The following TMIE variants were observed in gnomAD, a reference collection of about 807,000 sequenced individuals.
TMIE encodes the protein transmembrane inner ear expressed protein.
A neutral mutation model predicts 16.8 loss-of-function variants in TMIE; 14 were observed. That is an observed-to-expected ratio of 0.83 (90% CI 0.55 to 1.30). TMIE has a LOEUF of 1.30. Ranked by LOEUF, TMIE falls within the 50% of genes most tolerant of loss-of-function variation. TMIE has a pLI of 0.00. For synonymous variants in TMIE, 75 were observed against 87.2 expected (o/e 0.86, Z 0.78); for missense variants, 204 against 205.9 (o/e 0.99, Z 0.06).
chr3:46,706,890 C>T (rs1700558795), intron 2 of TMIE, among the ~76,000 whole-genome samples: 1 of 152,186 alleles, frequency 6.6e-6, no homozygotes, highest in African/African-American at 2.4e-5. Flanking sequence ...GGAGCTGTCC[C>T]GGGATGAGGT....
chr3:46,700,766 G>T (rs568474279), upstream of TMIE, among the ~76,000 whole-genome samples: 15 of 152,250 alleles, frequency 9.9e-5, no homozygotes, highest in Non-Finnish European at 1.8e-4. Context: ...CAGTGTTCAG[G>T]CTGGGGCAGA....
At position 46,709,181 on chromosome 3, in the gene TMIE, C is replaced by A. The variant is rs766855644; in HGVS notation, c.267C>A (p.Ile89=). The A allele has an allele frequency of 6.2e-7, 1 of 1,614,126 alleles. No individual in the cohort carries two copies. The highest frequency in any genetic ancestry group is 1.1e-5 in the South Asian group (1 of 91,082). The change falls in exon 3 of 4, where the codon ATC becomes ATA. Residue 89 remains isoleucine, a synonymous_variant. Coordinates refer to ENST00000643606, the MANE Select transcript of TMIE (RefSeq NM_147196.3). ...GTGTGCCACGGACCCGGAAGGAGATCGAAGCCCGGTACCTGCAGCGAAAGG... is the reference window on the plus strand; with the variant it reads ...GTGTGCCACGGACCCGGAAGGAGATAGAAGCCCGGTACCTGCAGCGAAAGG... ...NCRVPRTRKE[I]EARYLQRKAA...
chr3:46,709,948 C>CCAGAG lies in TMIE; in HGVS notation c.*260_*261insCAGAG. 5.2e-6 allele frequency: 3 copies of CCAGAG among 574,006 alleles called. No homozygotes were observed. The highest frequency in any genetic ancestry group is 3.8e-5 in the African/African-American group (2 of 53,132). 35.6% of individuals were successfully genotyped at this position (574,006 alleles called of 1,614,324 possible). On this transcript the variant is annotated 3_prime_UTR_variant, in exon 4 of 4. Transcript: ENST00000643606. Reference sequence around the variant, plus strand: ...CTCGGCAGAGGTGGTCTGGTGCCACCGTCCCTCTGCAGATACACTGCTCTC... The same window carrying CCAGAG: ...CTCGGCAGAGGTGGTCTGGTGCCACCCAGAGGTCCCTCTGCAGATACACTGCTCTC...
Position 46,709,608 on chromosome 3 carries a change from AAG to A in TMIE, c.392_393del (p.Lys131ArgfsTer14), listed in dbSNP as rs758503580. ...EDKKKKKKKKKDSVDTVAIKV... is the reference protein window; with the variant it reads ...EDKKKKKKKKXDSVDTVAIKV... Reference sequence around the variant, plus strand: ...TAAGAAGAAGAAGAAGAAGAAGAAGAAGGACAGTGTGGACACAGTGGCCATCA... The same window carrying A: ...TAAGAAGAAGAAGAAGAAGAAGAAGAGACAGTGTGGACACAGTGGCCATCA... On this transcript the variant is annotated frameshift_variant, in exon 4 of 4. Transcript: ENST00000643606. LOFTEE classifies it high-confidence loss of function. 177 of 1,297,628 alleles carry A rather than the reference AAG, an allele frequency of 1.4e-4. No homozygotes were observed. The Admixed American group carries it at 3.2e-3, about 24-fold the overall frequency. The allele number at this position is 1,297,628 out of a possible 1,614,324, so 80.4% of individuals were successfully genotyped here.
In TMIE at chr3:46,710,339, G is replaced by A. The variant is rs1376058547; in HGVS notation, c.*651G>A. 1 of 161,414 alleles carries A rather than the reference G, an allele frequency of 6.2e-6. No homozygotes were observed. The allele number at this position is 161,414 out of a possible 1,614,324, so 10.0% of individuals were successfully genotyped here. Reference sequence around the variant, plus strand: ...CTACCCTCATTTCACACGTTGTGATGAAGCTGAGGCTGCTGCCAGGCCCGG... The same window carrying A: ...CTACCCTCATTTCACACGTTGTGATAAAGCTGAGGCTGCTGCCAGGCCCGG... On this transcript the variant is annotated 3_prime_UTR_variant, in exon 4 of 4. Transcript: ENST00000643606.
upstream of TMIE, chr3:46,694,407 G>GCCC (rs1357368507): frequency 6.6e-6 from 1 of 152,374 alleles, no homozygotes; most frequent in Non-Finnish European, 1.5e-5. Flanking sequence ...TAACAAAGAA[G>GCCC]CCCCCCGTCA....
At chr3:46,703,933 C>A (rs1020640691) in intron 1 of TMIE, among the ~76,000 whole-genome samples, 2 of 152,192 alleles carry the variant, frequency 1.3e-5, no homozygotes, top group African/African-American at 2.4e-5. Flanking sequence ...CAACATCTCG[C>A]TCATATGCCC....
Position 46,710,017 on chromosome 3 carries a change from G to T in TMIE, c.*329G>T. On this transcript the variant is annotated 3_prime_UTR_variant, in exon 4 of 4. Coordinates refer to ENST00000643606, the MANE Select transcript of TMIE (RefSeq NM_147196.3). ...TCTCCCACCCTTTCTGCCAGGGATGGCAGTGGCTGTGAAGGAGTAATGGGA... is the reference window on the plus strand; with the variant it reads ...TCTCCCACCCTTTCTGCCAGGGATGTCAGTGGCTGTGAAGGAGTAATGGGA... 1 of 418,596 alleles carries T rather than the reference G, an allele frequency of 2.4e-6. No individual in the cohort carries two copies. The highest frequency in any genetic ancestry group is 4.5e-6 in the Non-Finnish European group (1 of 222,396). 25.9% of individuals were successfully genotyped at this position (418,596 alleles called of 1,614,324 possible).
intron 1 of TMIE, among the ~76,000 whole-genome samples, chr3:46,704,936 C>T (rs1253282244): frequency 6.6e-6 from 1 of 151,738 alleles, no homozygotes; most frequent in Non-Finnish European, 1.5e-5. Flanking sequence ...CAGACCTGGG[C>T]AGAACTATGT....
At chr3:46,697,724 G>A (rs937291774), upstream of TMIE, among the ~76,000 whole-genome samples, 20 of 152,156 alleles carry the variant, frequency 1.3e-4, no homozygotes, top group South Asian at 3.1e-3. Flanking sequence ...GGCAGTCTTG[G>A]GAACTGAGGC....
upstream of TMIE, among the ~76,000 whole-genome samples, chr3:46,700,462 C>A (rs540025151): frequency 4.4e-4 from 67 of 152,230 alleles, no homozygotes; most frequent in Middle Eastern, 0.02. Context: ...TCACCAGTGC[C>A]CCTGGTGATA....
rs1316881263 is a variant in TMIE, at chr3:46,701,520, C to T, written c.33C>T (p.Cys11=). The change falls in exon 1 of 4, where the codon TGC becomes TGT. Residue 11 remains cysteine (C), a synonymous_variant. Transcript: ENST00000643606. This position sits in a 1 kb window ranked among gnomAD's most constrained non-coding sequence, Gnocchi z 4.3. MAGWPGAGPL[C]VLGGAALGVC... ...GGTGGCCGGGCGCGGGTCCCCTCTGCGTGCTGGGCGGCGCCGCACTCGGGG... is the reference window on the plus strand; with the variant it reads ...GGTGGCCGGGCGCGGGTCCCCTCTGTGTGCTGGGCGGCGCCGCACTCGGGG... 5.3e-6 allele frequency: 7 copies of T among 1,322,714 alleles called. No individual in the cohort carries two copies. The highest frequency in any genetic ancestry group is 1.5e-5 in the African/African-American group (1 of 64,860). The allele number at this position is 1,322,714 out of a possible 1,614,324, so 81.9% of individuals were successfully genotyped here.
chr3:46,696,040 G>T (rs968765691), intron 1 of TMIE, among the ~76,000 whole-genome samples: 1 of 152,152 alleles, frequency 6.6e-6, no homozygotes, highest in Non-Finnish European at 1.5e-5. Flanking sequence ...GCACAGCCAA[G>T]GGCCCCTAGC....
rs1405472763 is a variant in TMIE at position 46,705,700 on chromosome 3, G to T, written c.94-90G>T. The stretch of plus-strand genomic sequence containing the variant: ...TTCTAGGAGATTCTGATATGCTTGG[G>T]CTGAGTGTTTGCTGAGACCTGGGCC... On this transcript the variant is annotated intron_variant, in intron 1 of 3. Transcript: ENST00000643606. 9 of 1,060,902 alleles carry T rather than the reference G, an allele frequency of 8.5e-6. No homozygotes were observed. The African/African-American group carries it at 9.3e-5, about 11-fold the overall frequency. 65.7% of individuals were successfully genotyped at this position (1,060,902 alleles called of 1,614,324 possible).
intron 3 of TMIE, 72 bp downstream of exon 3, chr3:46,709,347 TC>T: frequency 6.2e-7 from 1 of 1,609,788 alleles, no homozygotes; most frequent in Non-Finnish European, 8.5e-7. Flanking sequence ...GTCACCCTGT[TC>T]CTCTGCTCCA....
At chr3:46,699,060 A>ATTTTTTTTTTTTTTTT, upstream of TMIE, among the ~76,000 whole-genome samples, 1 of 84,854 alleles carries the variant, frequency 1.2e-5, no homozygotes, top group Non-Finnish European at 2.1e-5. Flanking sequence ...GGTGTTTCTT[A>ATTTTTTTTTTTTTTTT]TTTTTTTTTT....
rs185127414 is a variant in TMIE at position 46,705,661 on chromosome 3, C to T, written c.94-129C>T. The T allele has an allele frequency of 5.0e-6, 4 of 803,670 alleles. No individual in the cohort carries two copies. In the East Asian group the frequency reaches 1.0e-4, roughly 21 times the overall value. 49.8% of individuals were successfully genotyped at this position (803,670 alleles called of 1,614,324 possible). On this transcript the variant is annotated intron_variant, in intron 1 of 3. Transcript: ENST00000643606. The stretch of plus-strand genomic sequence containing the variant: ...AGGTCTAGGGTGTTGGTAGTGCATG[C>T]TTAAGAGAGTTGATTCTAGGAGATT...
At chr3:46,704,343 G>T (rs547612926) in intron 1 of TMIE, among the ~76,000 whole-genome samples, 132 of 142,250 alleles carry the variant, frequency 9.3e-4, no homozygotes, top group African/African-American at 3.4e-3. Context: ...GCAGGAACAT[G>T]TCCCCTAGAC....
At chr3:46,708,212 C>T (rs1288494912) in intron 2 of TMIE, among the ~76,000 whole-genome samples, 1 of 152,194 alleles carries the variant, frequency 6.6e-6, no homozygotes, top group Non-Finnish European at 1.5e-5. Context: ...GGGGTTCTGA[C>T]TTGGTTGCAT....
Sources: allele counts gnomAD v4.1 joint callset (sites outside exome capture counted in the v4.1 genomes callset), GRCh38; gene constraint gnomAD v4.1.1; non-coding constraint Gnocchi (gnomAD v3.1); transcripts MANE v1.5; gene names NCBI Gene and HGNC (gene_info 2026-07-23, HGNC 2026-07-21).